The following ACACA variants were observed in gnomAD, a reference collection of about 807,000 sequenced individuals.
ACACA encodes the protein acetyl-CoA carboxylase alpha, also known as acetyl-CoA carboxylase 1.
A neutral mutation model predicts 296.1 loss-of-function variants in ACACA; 103 were observed. The observed-to-expected ratio is 0.35, with a 90% CI of 0.30 to 0.41. ACACA has a LOEUF of 0.41. ACACA is among the 10% of genes least tolerant of loss of function. The probability of loss-of-function intolerance (pLI) is 1.00; values close to 1 mark genes in which losing one functional copy is unlikely to be tolerated. For missense variants in ACACA, 1,554 were observed against 2,989.7 expected (o/e 0.52, Z 11.20); for synonymous variants, 953 against 1,038.6 (o/e 0.92, Z 1.58).
intron 55 of ACACA, among the ~76,000 whole-genome samples, chr17:37,088,534 C>A (rs535796864): frequency 2.8e-4 from 43 of 152,252 alleles, no homozygotes; most frequent in African/African-American, 1.0e-3. Flanking sequence ...CAGTCTCTAC[C>A]ACCGATCCTA....
intron 50 of ACACA, among the ~76,000 whole-genome samples, chr17:37,117,584 C>T (rs1434124207): frequency 5.3e-5 from 8 of 152,134 alleles, no homozygotes; most frequent in Middle Eastern, 3.4e-3. Flanking sequence ...GGGTCATTGC[C>T]GGTTCGTCTA....
intron 52 of ACACA, among the ~76,000 whole-genome samples, chr17:37,110,051 G>A (rs1194368401): frequency 1.3e-5 from 2 of 151,636 alleles, no homozygotes; most frequent in Non-Finnish European, 2.9e-5. Context: ...ATTTTAAATT[G>A]GCCAGAAAGA....
chr17:37,310,278 T>C (rs892952300), intron 3 of ACACA, among the ~76,000 whole-genome samples: 1 of 151,888 alleles, frequency 6.6e-6, no homozygotes, highest in South Asian at 2.1e-4. Context: ...TTGAGCAGAG[T>C]GGCTGGAGGT....
chr17:37,143,200 A>G (rs1174173339), intron 45 of ACACA, among the ~76,000 whole-genome samples: 1 of 144,136 alleles, frequency 6.9e-6, no homozygotes, highest in Non-Finnish European at 1.5e-5. Context: ...CTCCATGCTC[A>G]TAACATCTTT....
intron 3 of ACACA, among the ~76,000 whole-genome samples, chr17:37,297,297 G>A (rs914974531): frequency 2.6e-5 from 4 of 151,028 alleles, no homozygotes; most frequent in Non-Finnish European, 5.9e-5. Flanking sequence ...CAAAATTAGC[G>A]GGGCATAGTG....
chr17:37,406,345 G>A lies in ACACA; in HGVS notation c.-46C>T. Reference sequence around the variant, plus strand: ...ATTTGGGCCTCTGAAGCCCAAAGAGGGGATGGTTCTTTCCAAAGAAGACAA... The same window carrying A: ...ATTTGGGCCTCTGAAGCCCAAAGAGAGGATGGTTCTTTCCAAAGAAGACAA... On this transcript the variant is annotated 5_prime_UTR_variant, in exon 1 of 56. Coordinates refer to ENST00000616317, the MANE Select transcript of ACACA (RefSeq NM_198834.3). The A allele has an allele frequency of 6.2e-7, 1 of 1,604,962 alleles. No individual in the cohort carries two copies. The highest frequency in any genetic ancestry group is 8.5e-7 in the Non-Finnish European group (1 of 1,171,704).
At chr17:37,137,717 T>C (rs2075390567) in intron 45 of ACACA, among the ~76,000 whole-genome samples, 1 of 152,230 alleles carries the variant, frequency 6.6e-6, no homozygotes, top group Non-Finnish European at 1.5e-5. Flanking sequence ...TTCCCCAATG[T>C]AGATGCCCCT....
chr17:37,144,916 C>A (rs1284782562), intron 45 of ACACA, among the ~76,000 whole-genome samples: 1 of 152,028 alleles, frequency 6.6e-6, no homozygotes, highest in Non-Finnish European at 1.5e-5. Flanking sequence ...TTGGCATATA[C>A]CTTACCTTCA....
intron 14 of ACACA, among the ~76,000 whole-genome samples, chr17:37,255,226 G>A (rs184585218): frequency 6.6e-6 from 1 of 152,122 alleles, no homozygotes; most frequent in Non-Finnish European, 1.5e-5. Context: ...ATGTTCAGGG[G>A]ATATAGCAGT....
intron 9 of ACACA, among the ~76,000 whole-genome samples, chr17:37,273,779 T>C (rs138373425): frequency 1.3e-5 from 2 of 152,320 alleles, no homozygotes; most frequent in Non-Finnish European, 2.9e-5. Flanking sequence ...AAGCTGACTG[T>C]TTGATCTCTG....
At chr17:37,251,377 GTTTCT>G (rs2080988051) in intron 16 of ACACA, among the ~76,000 whole-genome samples, 1 of 152,108 alleles carries the variant, frequency 6.6e-6, no homozygotes. Context: ...TTTAAATTTT[GTTTCT>G]TTTCTTTCTT....
intron 10 of ACACA, among the ~76,000 whole-genome samples, chr17:37,265,183 C>G (rs1014993425): frequency 9.9e-5 from 15 of 152,114 alleles, no homozygotes; most frequent in Non-Finnish European, 2.2e-4. Flanking sequence ...AGCCACAAAG[C>G]CAGCTAAGAT....
chr17:37,110,018 CAGA>C (rs1040700787), intron 52 of ACACA, among the ~76,000 whole-genome samples: 4 of 150,602 alleles, frequency 2.7e-5, no homozygotes, highest in Non-Finnish European at 4.4e-5. Context: ...GGCAGTGATC[CAGA>C]AGAAGACCGA....
chr17:37,167,119 A>ATTTTTTTTTTT, intron 41 of ACACA, among the ~76,000 whole-genome samples: 2 of 101,348 alleles, frequency 2.0e-5, no homozygotes, highest in Non-Finnish European at 4.0e-5. Context: ...TAATTTTTGC[A>ATTTTTTTTTTT]TTTTTTTTTT....
chr17:37,274,381 TATC>T (rs1294957106), intron 8 of ACACA, 82 bp from the exon 9 acceptor site: 2 of 1,315,482 alleles, frequency 1.5e-6, no homozygotes, highest in African/African-American at 2.9e-5. Context: ...TTTGAAATGC[TATC>T]ATATTTACCC....
chr17:37,187,148 ACT>A (rs1017088725), intron 39 of ACACA, among the ~76,000 whole-genome samples: 2 of 151,720 alleles, frequency 1.3e-5, no homozygotes, highest in African/African-American at 4.8e-5. Flanking sequence ...GCTCTTGCGC[ACT>A]CTCTCTCTCT....
chr17:37,404,738 C>T (rs1032496222), intron 1 of ACACA, among the ~76,000 whole-genome samples: 1 of 151,904 alleles, frequency 6.6e-6, no homozygotes, highest in African/African-American at 2.4e-5. Context: ...CAATGCCCAG[C>T]TAATTTTTTT....
intron 1 of ACACA, chr17:37,377,851 C>A: frequency 3.4e-6 from 5 of 1,479,428 alleles, no homozygotes; most frequent in South Asian, 1.2e-5. Flanking sequence ...TTCCCCGGTT[C>A]CCCTCCTCCC....
chr17:37,213,348 CA>C (rs11353673), intron 29 of ACACA, among the ~76,000 whole-genome samples: 28,010 of 78,412 alleles, frequency 0.36, 2,854 homozygotes, highest in East Asian at 0.6. Context: ...AAGTAAGTCT[CA>C]AAAAAAAAAA....
Sources: allele counts gnomAD v4.1 joint callset (sites outside exome capture counted in the v4.1 genomes callset), GRCh38; gene constraint gnomAD v4.1.1; transcripts MANE v1.5; gene names NCBI Gene and HGNC (gene_info 2026-07-23, HGNC 2026-07-21).